The following IRS2 variants were observed in gnomAD, a reference collection of about 807,000 sequenced individuals.
The protein encoded by IRS2 is insulin receptor substrate 2.
A neutral mutation model predicts 70.9 loss-of-function variants in IRS2; 28 were observed. The ratio of observed to expected loss-of-function variants is 0.39; its 90% confidence interval spans 0.29 to 0.54. The LOEUF (loss-of-function observed/expected upper bound fraction) is 0.54. Among genes scored for constraint, IRS2 ranks in the 20% least tolerant of loss-of-function variants. IRS2 has a pLI of 0.59. For missense variants in IRS2, 2,081 were observed against 2,024.1 expected (o/e 1.03, Z -0.54); for synonymous variants, 1,217 against 981.9 (o/e 1.24, Z -4.48).
chr13:109,786,046 C>G lies in IRS2; in HGVS notation c.8G>C (p.Ser3Thr). The G allele has an allele frequency of 7.8e-7, 1 of 1,276,886 alleles. No individual in the cohort carries two copies. The highest frequency in any genetic ancestry group is 9.8e-7 in the Non-Finnish European group (1 of 1,015,962). 79.1% of individuals were successfully genotyped at this position (1,276,886 alleles called of 1,614,324 possible). ...CCCGGGCGGCCCGTGCCGCGGCGGG[C>G]TCGCCATCGCGGGCGCTTCAGGCCG... is the stretch of plus-strand genomic sequence containing the variant. Reference protein sequence around the residue: MASPPRHGPPGPA... With the variant: MATPPRHGPPGPA... Residue 3 changes from serine to threonine, a missense_variant, in exon 1 of 2, where the codon AGC (serine) becomes ACC (threonine). Ser to Thr is a moderately conservative substitution (Grantham distance 58, BLOSUM62 1). Coordinates refer to ENST00000375856, the MANE Select transcript of IRS2 (RefSeq NM_003749.3). The surrounding 1 kb of genome is among the most constrained non-coding windows in gnomAD (Gnocchi z 4.4).
Position 109,783,229 on chromosome 13 carries a change from G to C in IRS2, c.2825C>G (p.Ala942Gly), listed in dbSNP as rs1450865521. 6.9e-7 allele frequency: 1 copy of C among 1,445,116 alleles called. No individual in the cohort carries two copies. The highest frequency in any genetic ancestry group is 9.1e-7 in the Non-Finnish European group (1 of 1,101,800). The allele number at this position is 1,445,116 out of a possible 1,614,324, so 89.5% of individuals were successfully genotyped here. Reference protein sequence around the residue: ...SPPAPPLLASAASSSSLLSAS... With the variant: ...SPPAPPLLASGASSSSLLSAS... ...GGACAAGAGCGAGGAGGACGAGGCC[G>C]CCGACGCCAGCAGGGGAGGCGCGGG... Residue 942 changes from alanine (A) to glycine (G), a missense_variant, in exon 1 of 2, where the codon GCG (alanine) becomes GGG (glycine). Physicochemically the swap from Ala to Gly is moderately conservative, Grantham distance 60 (BLOSUM62 0). This residue lies in a region of IRS2 where 1,615 missense variants were observed against 1,459.5 expected (regional missense o/e 1.11). Coordinates refer to ENST00000375856, the MANE Select transcript of IRS2 (RefSeq NM_003749.3).
At chr13:109,766,769 A>G (rs1331563740) in intron 1 of IRS2, among the ~76,000 whole-genome samples, 30 of 136,918 alleles carry the variant, frequency 2.2e-4, no homozygotes, top group Middle Eastern at 3.9e-3. Flanking sequence ...CCCTGACTCC[A>G]ACTCCCCACC....
intron 1 of IRS2, among the ~76,000 whole-genome samples, chr13:109,762,797 A>T (rs911949419): frequency 2.0e-5 from 3 of 152,236 alleles, no homozygotes; most frequent in African/African-American, 7.2e-5. Context: ...CATGTGGTTC[A>T]TGCCATTTCT....
intron 1 of IRS2, among the ~76,000 whole-genome samples, chr13:109,772,648 A>C (rs1367444883): frequency 6.6e-6 from 1 of 150,950 alleles, no homozygotes; most frequent in Admixed American, 6.6e-5. Flanking sequence ...CAAACACTGC[A>C]CTGCCCACAA....
chr13:109,776,188 C>T (rs552985409), intron 1 of IRS2, among the ~76,000 whole-genome samples: 2 of 151,856 alleles, frequency 1.3e-5, no homozygotes, highest in South Asian at 2.1e-4. Context: ...TTACAGGGTG[C>T]AATGCGTGTG....
In IRS2 at chr13:109,754,119, T is replaced by C. The variant is rs957393361; in HGVS notation, c.*2185A>G. 1 of 232,028 alleles carries C rather than the reference T, an allele frequency of 4.3e-6. No individual in the cohort carries two copies. Among genetic ancestry groups the C allele is most frequent in the African/African-American group, 2.2e-5 (1 of 45,290 alleles). The allele number at this position is 232,028 out of a possible 1,614,324, so 14.4% of individuals were successfully genotyped here. A position where few individuals can be genotyped will look rare whatever the true frequency, so the allele number is the denominator to read the frequency against. On this transcript the variant is annotated 3_prime_UTR_variant, in exon 2 of 2. Coordinates refer to ENST00000375856, the MANE Select transcript of IRS2 (RefSeq NM_003749.3). The stretch of plus-strand genomic sequence containing the variant: ...ACTGTTTAATAACTGTTAAAGTTTA[T>C]ATAGCAAAAAATATTTTAAATTTAA...
intron 1 of IRS2, among the ~76,000 whole-genome samples, chr13:109,781,776 AGAATGGGT>A (rs373808159): frequency 1.3e-5 from 2 of 152,216 alleles, no homozygotes; most frequent in Non-Finnish European, 2.9e-5. Flanking sequence ...TGGGACGCAC[AGAATGGGT>A]GAATGGGTGG....
chr13:109,764,185 C>G lies in IRS2; in HGVS notation c.4013-7877G>C, dbSNP rs537058339. 3.9e-5 allele frequency among the ~76,000 whole-genome samples: 6 copies of G among 152,328 alleles called. 1 individual carries two copies. The highest frequency in any genetic ancestry group is 1.4e-4 in the African/African-American group (6 of 41,572). ...CCATATCAAAAACATCCTGCTCTTC[C>G]CTGGGAGCCTAGGAATGACTCCATG... On this transcript the variant is annotated intron_variant, in intron 1 of 1. Transcript: ENST00000375856.
chr13:109,772,507 T>C (rs1877475161), intron 1 of IRS2, among the ~76,000 whole-genome samples: 1 of 152,194 alleles, frequency 6.6e-6, no homozygotes, highest in Non-Finnish European at 1.5e-5. Flanking sequence ...ACTGCTTTCC[T>C]GCTTTGCTCA....
rs968908142 is a variant in IRS2, at chr13:109,782,566, G to A, written c.3488C>T (p.Pro1163Leu). 5 of 1,568,036 alleles carry A rather than the reference G, an allele frequency of 3.2e-6. No individual in the cohort carries two copies. Among genetic ancestry groups the A allele is most frequent in the African/African-American group, 1.3e-5 (1 of 74,324 alleles). Residue 1163 changes from proline (P) to leucine (L), a missense_variant, in exon 1 of 2, where the codon CCG (proline) becomes CTG (leucine). Physicochemically the swap from Pro to Leu is moderately conservative, Grantham distance 98. This residue lies in a region of IRS2 where 1,615 missense variants were observed against 1,459.5 expected (regional missense o/e 1.11). Coordinates refer to ENST00000375856, the MANE Select transcript of IRS2 (RefSeq NM_003749.3). ...SSTTTVTPVS[P>L]SFAHNPKRHN... ...GCGCTTGGGGTTGTGGGCGAAGGAC[G>A]GGGACACGGGGGTGACCGTCGTGGT...
intron 1 of IRS2, among the ~76,000 whole-genome samples, chr13:109,772,249 T>C (rs1187225851): frequency 1.3e-5 from 2 of 152,090 alleles, no homozygotes; most frequent in African/African-American, 2.4e-5. Context: ...CACGGAGCGG[T>C]GCAGGTAGGT....
At position 109,755,529 on chromosome 13, in the gene IRS2, T is replaced by C; in HGVS notation, c.*775A>G. 4.8e-6 allele frequency: 1 copy of C among 209,502 alleles called. No individual in the cohort carries two copies. The highest frequency in any genetic ancestry group is 7.2e-5 in the East Asian group (1 of 13,908). The allele number at this position is 209,502 out of a possible 1,614,324, so 13.0% of individuals were successfully genotyped here. On this transcript the variant is annotated 3_prime_UTR_variant, in exon 2 of 2. Transcript: ENST00000375856. ...GATATTCATCCCCTTCCCAAAGCCC[T>C]TCCCTCCCACCTCCCACTACCCAAT...
rs1379482682 is a variant in IRS2, at chr13:109,752,914, G to T, written c.*3390C>A. 6.6e-6 allele frequency: 1 copy of T among 151,212 alleles called. No individual in the cohort carries two copies. Among genetic ancestry groups the T allele is most frequent in the Non-Finnish European group, 1.5e-5 (1 of 67,916 alleles). The allele number at this position is 151,212 out of a possible 1,614,324, so 9.4% of individuals were successfully genotyped here. On this transcript the variant is annotated 3_prime_UTR_variant, in exon 2 of 2. Coordinates refer to ENST00000375856, the MANE Select transcript of IRS2 (RefSeq NM_003749.3). ...TCTTTGTATTCTTGATGTATGCATCGGTATGTCTTCTTCTGTGTTTGTGTC... is the reference window on the plus strand; with the variant it reads ...TCTTTGTATTCTTGATGTATGCATCTGTATGTCTTCTTCTGTGTTTGTGTC...
chr13:109,761,954 C>A (rs996105579), intron 1 of IRS2, among the ~76,000 whole-genome samples: 2 of 152,144 alleles, frequency 1.3e-5, no homozygotes, highest in Admixed American at 1.3e-4. Flanking sequence ...AAAGGTATCT[C>A]CCCCTTTAAC....
chr13:109,771,158 C>T (rs1245323065), intron 1 of IRS2, among the ~76,000 whole-genome samples: 1 of 152,112 alleles, frequency 6.6e-6, no homozygotes, highest in African/African-American at 2.4e-5. Context: ...AGCTACAAAA[C>T]CTTTAGGAGA....
In IRS2 at chr13:109,782,533, G is replaced by C. The variant is rs1266404442; in HGVS notation, c.3521C>G (p.Ser1174Trp). ...GAGAGAGACATTTTCCACGGAGGCCGAGTTGTGGCGCTTGGGGTTGTGGGC... is the reference window on the plus strand; with the variant it reads ...GAGAGAGACATTTTCCACGGAGGCCCAGTTGTGGCGCTTGGGGTTGTGGGC... ...SFAHNPKRHN[S>W]ASVENVSLRK... The change falls in exon 1 of 2, where the codon TCG (serine) becomes TGG (tryptophan). Residue 1174 changes from serine (S) to tryptophan (W), a missense_variant. Ser to Trp is a radical substitution (Grantham distance 177). Coordinates refer to ENST00000375856, the MANE Select transcript of IRS2 (RefSeq NM_003749.3). 6.4e-7 allele frequency: 1 copy of C among 1,557,954 alleles called. No individual in the cohort carries two copies. Among genetic ancestry groups the C allele is most frequent in the Admixed American group, 1.9e-5 (1 of 51,522 alleles).
chr13:109,757,442 T>C (rs1877130883), intron 1 of IRS2, among the ~76,000 whole-genome samples: 1 of 152,152 alleles, frequency 6.6e-6, no homozygotes, highest in South Asian at 2.1e-4. Flanking sequence ...CAAATTCTTT[T>C]CTCTCCATCT....
intron 1 of IRS2, among the ~76,000 whole-genome samples, chr13:109,764,321 A>G (rs1257812306): frequency 1.3e-5 from 2 of 152,162 alleles, no homozygotes; most frequent in African/African-American, 2.4e-5. Context: ...GCATCTAGGA[A>G]CCACTTCTTA....
intron 1 of IRS2, among the ~76,000 whole-genome samples, chr13:109,775,965 C>T (rs989088253): frequency 2.0e-5 from 3 of 152,120 alleles, no homozygotes; most frequent in Admixed American, 6.5e-5. Context: ...CTGGCTAACA[C>T]GGTGAAATCC....
Sources: allele counts gnomAD v4.1 joint callset (sites outside exome capture counted in the v4.1 genomes callset), GRCh38; gene constraint gnomAD v4.1.1; regional missense constraint gnomAD v4.1.1; non-coding constraint Gnocchi (gnomAD v3.1); transcripts MANE v1.5; gene names NCBI Gene and HGNC (gene_info 2026-07-23, HGNC 2026-07-21).